Variants in TXK observed in about 807,000 individuals in gnomAD.
TXK encodes tyrosine-protein kinase TXK.
A neutral mutation model predicts 81.0 loss-of-function variants in TXK; 60 were observed. That is an observed-to-expected ratio of 0.74 (90% CI 0.60 to 0.92). The LOEUF is 0.92. Ranked by LOEUF, TXK falls within the 40% of genes least tolerant of loss-of-function variation. The probability of loss-of-function intolerance (pLI) is 0.00; values close to 1 mark genes in which losing one functional copy is unlikely to be tolerated. For synonymous variants in TXK, 203 were observed against 210.7 expected (o/e 0.96, Z 0.32); for missense variants, 581 against 638.3 (o/e 0.91, Z 0.97).
chr4:48,120,875 A>AC (rs1299171962), intron 1 of TXK, among the ~76,000 whole-genome samples: 1 of 151,420 alleles, frequency 6.6e-6, no homozygotes, highest in Non-Finnish European at 1.5e-5. Context: ...TCTAGAAAAA[A>AC]AAAACAAAAC....
chr4:48,118,338 C>G (rs1027731816), intron 1 of TXK, among the ~76,000 whole-genome samples: 1 of 152,180 alleles, frequency 6.6e-6, no homozygotes, highest in Non-Finnish European at 1.5e-5. Flanking sequence ...TGTTGGAGAA[C>G]TACCCAAGAG....
chr4:48,125,184 GA>G (rs1295928026), intron 1 of TXK, among the ~76,000 whole-genome samples: 17 of 152,224 alleles, frequency 1.1e-4, no homozygotes, highest in African/African-American at 3.9e-4. Context: ...AGCTGAGCCA[GA>G]AGTCAAACCC....
intron 12 of TXK, among the ~76,000 whole-genome samples, chr4:48,075,393 C>T (rs1200254753): frequency 1.3e-5 from 2 of 152,096 alleles, no homozygotes; most frequent in East Asian, 1.9e-4. Flanking sequence ...CTGCTCACAC[C>T]TGTAATCACA....
intron 1 of TXK, among the ~76,000 whole-genome samples, chr4:48,120,586 G>A (rs1179859282): frequency 6.6e-6 from 1 of 151,776 alleles, no homozygotes; most frequent in Non-Finnish European, 1.5e-5. Context: ...CGGCTCCCAG[G>A]TTCAAGCAAT....
chr4:48,081,837 T>C (rs1717311980), intron 10 of TXK, among the ~76,000 whole-genome samples: 1 of 152,206 alleles, frequency 6.6e-6, no homozygotes, highest in African/African-American at 2.4e-5. Flanking sequence ...CCGTTTGGTC[T>C]TCCCCCATCT....
At chr4:48,079,796 T>A in intron 11 of TXK, 116 bp downstream of exon 11, 1 of 788,844 alleles carries the variant, frequency 1.3e-6, no homozygotes, top group Non-Finnish European at 2.1e-6. Context: ...CATGAATAGG[T>A]AAATGTTTAA....
intron 9 of TXK, among the ~76,000 whole-genome samples, chr4:48,086,869 G>T (rs543557288): frequency 6.6e-6 from 1 of 152,132 alleles, no homozygotes; most frequent in Non-Finnish European, 1.5e-5. Flanking sequence ...ACAAATTAAG[G>T]ATAACAAAAT....
intron 5 of TXK, among the ~76,000 whole-genome samples, chr4:48,110,027 G>C (rs558073459): frequency 6.6e-6 from 1 of 152,218 alleles, no homozygotes; most frequent in Non-Finnish European, 1.5e-5. Flanking sequence ...GGCTAAAAAA[G>C]TGATTGCTAA....
At chr4:48,074,906 T>C (rs919181723) in intron 12 of TXK, among the ~76,000 whole-genome samples, 4 of 152,144 alleles carry the variant, frequency 2.6e-5, no homozygotes, top group African/African-American at 9.7e-5. Context: ...TGTTTATAGA[T>C]TTTGAATTTT....
chr4:48,078,999 T>G (rs1049175382), intron 11 of TXK, among the ~76,000 whole-genome samples: 1 of 152,174 alleles, frequency 6.6e-6, no homozygotes, highest in African/African-American at 2.4e-5. Context: ...TTTAGTCACA[T>G]GATAGGTTAG....
At chr4:48,095,959 T>C (rs1018460307) in intron 6 of TXK, among the ~76,000 whole-genome samples, 1 of 152,246 alleles carries the variant, frequency 6.6e-6, no homozygotes, top group African/African-American at 2.4e-5. Context: ...AGTGTGCTTA[T>C]GCTCATGAAG....
chr4:48,125,794 T>C (rs73136290), intron 1 of TXK, among the ~76,000 whole-genome samples: 2,531 of 152,224 alleles, frequency 0.017, 86 homozygotes, highest in African/African-American at 0.058. Flanking sequence ...GTCCAAAATC[T>C]AACAGGGCAG....
At chr4:48,096,324 T>C (rs1457247869) in intron 6 of TXK, among the ~76,000 whole-genome samples, 1 of 152,216 alleles carries the variant, frequency 6.6e-6, no homozygotes, top group Non-Finnish European at 1.5e-5. Flanking sequence ...GTATTGTGTA[T>C]ATGTATATAA....
In TXK at chr4:48,089,771, C is replaced by T; in HGVS notation, c.763G>A (p.Ala255Thr). The T allele has an allele frequency of 6.2e-7, 1 of 1,613,546 alleles. No individual in the cohort carries two copies. The highest frequency in any genetic ancestry group is 8.5e-7 in the Non-Finnish European group (1 of 1,179,630). ...PVGLMGSCLP[A>T]TAGFSYEKWE... ...TTACCGTAGCTAAACCCAGCTGTGG[C>T]TGGTAAACAACTGCCCATCAGCCCA... Residue 255 changes from alanine (A) to threonine (T), a missense_variant, in exon 9 of 15, where the codon GCC (alanine) becomes ACC (threonine). Transcript: ENST00000264316.
At chr4:48,080,234 G>T in intron 10 of TXK, 106 bp from the exon 11 acceptor site, 1 of 904,790 alleles carries the variant, frequency 1.1e-6, no homozygotes, top group Non-Finnish European at 1.7e-6. Flanking sequence ...TCATTATCAA[G>T]ATAAGATAAA....
chr4:48,073,643 G>A (rs1008625241), intron 13 of TXK, among the ~76,000 whole-genome samples: 6 of 152,100 alleles, frequency 3.9e-5, no homozygotes, highest in Admixed American at 6.5e-5. Context: ...AAGCCTCTGC[G>A]GAGTGGAAAA....
chr4:48,100,171 C>CAAAAAAAAAA (rs11341305), intron 6 of TXK, among the ~76,000 whole-genome samples: 2 of 53,932 alleles, frequency 3.7e-5, no homozygotes, highest in Non-Finnish European at 6.2e-5. Flanking sequence ...GACTCCATCT[C>CAAAAAAAAAA]AAAAAAAAAA....
At chr4:48,125,848 A>G (rs1173691512) in intron 1 of TXK, among the ~76,000 whole-genome samples, 1 of 152,230 alleles carries the variant, frequency 6.6e-6, no homozygotes, top group Non-Finnish European at 1.5e-5. Context: ...GTTTGAGCCC[A>G]AAGGCGGTCT....
chr4:48,109,194 T>TC (rs1718555279), intron 5 of TXK, among the ~76,000 whole-genome samples: 1 of 149,744 alleles, frequency 6.7e-6, no homozygotes, highest in Non-Finnish European at 1.5e-5. Flanking sequence ...TTTTTTTTTT[T>TC]CTGTCCTTTT....
Sources: allele counts gnomAD v4.1 joint callset (sites outside exome capture counted in the v4.1 genomes callset), GRCh38; gene constraint gnomAD v4.1.1; transcripts MANE v1.5; gene names NCBI Gene and HGNC (gene_info 2026-07-23, HGNC 2026-07-21).